The following RBFOX3 variants were observed in gnomAD, a reference collection of about 807,000 sequenced individuals.
RBFOX3 encodes the protein RNA binding fox-1 homolog 3.
A neutral mutation model predicts 48.7 loss-of-function variants in RBFOX3; 17 were observed. That is an observed-to-expected ratio of 0.35 (90% confidence interval 0.24 to 0.52). The LOEUF is 0.52. Among genes scored for constraint, RBFOX3 ranks in the 20% least tolerant of loss-of-function variants. RBFOX3 has a pLI of 0.94. For missense variants in RBFOX3, 382 were observed against 497.5 expected, an observed-to-expected ratio of 0.77 and a Z score of 2.21; for synonymous variants, 212 against 209.5, an observed-to-expected ratio of 1.01 and a Z score of -0.10.
At chr17:79,567,188 T>G (rs2092492827) in intron 1 of RBFOX3, among the ~76,000 whole-genome samples, 1 of 142,672 alleles carries the variant, frequency 7.0e-6, no homozygotes, top group African/African-American at 2.6e-5. Context: ...TTCTTTTTTT[T>G]TTTTTTTTTT....
At chr17:79,556,481 T>C (rs2091768862) in intron 1 of RBFOX3, among the ~76,000 whole-genome samples, 2 of 152,080 alleles carry the variant, frequency 1.3e-5, no homozygotes, top group Non-Finnish European at 2.9e-5. Context: ...ACAGGAAGGC[T>C]TACAGGGAGC....
At chr17:79,401,388 G>A (rs2062787309) in intron 2 of RBFOX3, among the ~76,000 whole-genome samples, 1 of 152,224 alleles carries the variant, frequency 6.6e-6, no homozygotes, top group Non-Finnish European at 1.5e-5. Flanking sequence ...AGAAGAGCCA[G>A]TGAGCCCCCC....
chr17:79,250,750 C>CCTTT (rs1425679256), intron 3 of RBFOX3, among the ~76,000 whole-genome samples: 86 of 152,046 alleles, frequency 5.7e-4, no homozygotes, highest in African/African-American at 1.8e-3. Flanking sequence ...TTTCTTTCTT[C>CCTTT]CTTTCTTTCC....
At chr17:79,218,496 C>T (rs539903421) in intron 4 of RBFOX3, among the ~76,000 whole-genome samples, 202 of 152,272 alleles carry the variant, frequency 1.3e-3, no homozygotes, top group Non-Finnish European at 2.5e-3. Context: ...AGGGCTTGGC[C>T]GAGCGTGGCT....
chr17:79,431,123 G>A (rs925581661), intron 2 of RBFOX3, among the ~76,000 whole-genome samples: 1 of 152,204 alleles, frequency 6.6e-6, no homozygotes, highest in Non-Finnish European at 1.5e-5. Flanking sequence ...CATGGGTATT[G>A]CACATGAAAA....
At chr17:79,484,225 A>G (rs1306598804) in intron 1 of RBFOX3, among the ~76,000 whole-genome samples, 1 of 152,180 alleles carries the variant, frequency 6.6e-6, no homozygotes, top group African/African-American at 2.4e-5. Context: ...TTCTTTTCCT[A>G]AAATCCAGTC....
chr17:79,111,880 G>A lies in RBFOX3; in HGVS notation c.222+3614C>T, dbSNP rs958167165. On this transcript the variant is annotated intron_variant, in intron 5 of 14. Coordinates refer to ENST00000693108, the MANE Select transcript of RBFOX3 (RefSeq NM_001350451.2). The surrounding 1 kb of genome is among the most constrained non-coding windows in gnomAD (Gnocchi z 4.2). ...CCCTGGGGGTGGCTCAAGGTAGTGA[G>A]ATGGGGTCCCCCGGTCCTTCCGCAG... 1.3e-5 allele frequency among the ~76,000 whole-genome samples: 2 copies of A among 152,248 alleles called. No individual in the cohort carries two copies. The highest frequency in any genetic ancestry group is 2.9e-5 in the Non-Finnish European group (2 of 68,046).
intron 2 of RBFOX3, among the ~76,000 whole-genome samples, chr17:79,371,897 T>C (rs1490159869): frequency 2.0e-5 from 3 of 152,032 alleles, no homozygotes; most frequent in Admixed American, 6.5e-5. Flanking sequence ...GAAAGCATTG[T>C]TCAATTCATA....
chr17:79,472,667 C>A (rs999704546), intron 2 of RBFOX3, among the ~76,000 whole-genome samples: 1 of 152,216 alleles, frequency 6.6e-6, no homozygotes, highest in African/African-American at 2.4e-5. Context: ...TGTGAGCCCC[C>A]AGGCTGAGGG....
At chr17:79,527,703 C>T (rs907860880) in intron 1 of RBFOX3, among the ~76,000 whole-genome samples, 23 of 152,374 alleles carry the variant, frequency 1.5e-4, no homozygotes, top group African/African-American at 5.3e-4. Context: ...CCCTTCATAA[C>T]CTGTTTGAGG....
chr17:79,349,324 C>T (rs2083454599), intron 2 of RBFOX3, among the ~76,000 whole-genome samples: 1 of 152,104 alleles, frequency 6.6e-6, no homozygotes, highest in Admixed American at 6.5e-5. Flanking sequence ...CTCCTCTGCC[C>T]ACTCAGCCAC....
At chr17:79,093,839 C>G (rs752086686) in intron 14 of RBFOX3, among the ~76,000 whole-genome samples, 1 of 147,944 alleles carries the variant, frequency 6.8e-6, no homozygotes, top group Admixed American at 6.7e-5. Context: ...AGACACGCCA[C>G]GCCGCGCACC....
At chr17:79,611,170 C>CTCTCTCTCTCTCTCTCTCTCTCT (rs2093964435), upstream of RBFOX3, among the ~76,000 whole-genome samples, 2 of 29,818 alleles carry the variant, frequency 6.7e-5, no homozygotes, top group Non-Finnish European at 6.5e-5. Flanking sequence ...CTCTCTCTCT[C>CTCTCTCTCTCTCTCTCTCTCTCT]TCTCCGCCCT....
At chr17:79,133,759 G>C (rs2039521193) in intron 4 of RBFOX3, among the ~76,000 whole-genome samples, 1 of 152,210 alleles carries the variant, frequency 6.6e-6, no homozygotes, top group Non-Finnish European at 1.5e-5. Flanking sequence ...TTCCTACTCA[G>C]TGGGATGGCA....
At chr17:79,629,205 C>T in the RBFOX3 span, among the ~76,000 whole-genome samples, 1 of 152,200 alleles carries the variant, frequency 6.6e-6, no homozygotes, top group Non-Finnish European at 1.5e-5. Context: ...AAGAAATAAT[C>T]AACCTATAGG....
intron 1 of RBFOX3, among the ~76,000 whole-genome samples, chr17:79,563,366 G>C (rs993624783): frequency 2.0e-5 from 3 of 152,216 alleles, no homozygotes; most frequent in Non-Finnish European, 4.4e-5. Flanking sequence ...GAAACGCCTC[G>C]CTTCCGTCTG....
intron 3 of RBFOX3, among the ~76,000 whole-genome samples, chr17:79,300,656 G>T (rs1216277657): frequency 6.6e-6 from 1 of 152,160 alleles, no homozygotes; most frequent in African/African-American, 2.4e-5. Flanking sequence ...GACCATTTCG[G>T]ATAAAGATGA....
At chr17:79,509,936 G>A (rs1034375392) in intron 1 of RBFOX3, among the ~76,000 whole-genome samples, 19 of 152,220 alleles carry the variant, frequency 1.2e-4, no homozygotes, top group Admixed American at 3.3e-4. Flanking sequence ...TGGGCATGAC[G>A]CCTGGGAGAG....
At position 79,167,088 on chromosome 17, in the gene RBFOX3, A is replaced by G. The variant is rs1348231462; in HGVS notation, c.-33-51340T>C. Among the ~76,000 whole-genome samples, 3 of 152,292 alleles carry G rather than the reference A, an allele frequency of 2.0e-5. No homozygotes were observed. In the East Asian group the frequency reaches 5.8e-4, roughly 29 times the overall value. On this transcript the variant is annotated intron_variant, in intron 4 of 14. Coordinates refer to ENST00000693108, the MANE Select transcript of RBFOX3 (RefSeq NM_001350451.2). ...TCACCCCCACGACAGACGCGCTCAC[A>G]AGGGCAACCTTCTCAGCTACTCTGG...
Sources: allele counts gnomAD v4.1 joint callset (sites outside exome capture counted in the v4.1 genomes callset), GRCh38; gene constraint gnomAD v4.1.1; non-coding constraint Gnocchi (gnomAD v3.1); transcripts MANE v1.5; gene names NCBI Gene and HGNC (gene_info 2026-07-23, HGNC 2026-07-21).